BABAM2: variants seen among roughly 807,000 people sequenced by gnomAD.
BABAM2 encodes BRISC and BRCA1-A complex member 2.
Under a neutral mutation model 54.7 loss-of-function variants are expected in BABAM2, and 31 were observed. The ratio of observed to expected loss-of-function variants is 0.57; its 90% CI spans 0.43 to 0.77. BABAM2 has a LOEUF of 0.77. Ranked by LOEUF, BABAM2 falls within the 30% of genes least tolerant of loss-of-function variation. The pLI is 0.00. For synonymous variants in BABAM2, 167 were observed against 162.9 expected (o/e 1.03, Z -0.19); for missense variants, 364 against 455.8 (o/e 0.80, Z 1.83).
At chr2:27,963,929 T>C (rs1670662105) in intron 3 of BABAM2, among the ~76,000 whole-genome samples, 1 of 152,180 alleles carries the variant, frequency 6.6e-6, no homozygotes, top group African/African-American at 2.4e-5. Context: ...CCCAGTAGGT[T>C]AGTACGTTGG....
At chr2:28,088,337 T>C (rs1019825746) in intron 6 of BABAM2, among the ~76,000 whole-genome samples, 4 of 152,360 alleles carry the variant, frequency 2.6e-5, no homozygotes, top group African/African-American at 9.6e-5. Context: ...CCTAAATGAC[T>C]GTTTTCTCCT....
At chr2:28,095,656 G>T (rs1413708932) in intron 6 of BABAM2, among the ~76,000 whole-genome samples, 3 of 152,136 alleles carry the variant, frequency 2.0e-5, no homozygotes, top group Non-Finnish European at 4.4e-5. Flanking sequence ...ATGTGAAAAA[G>T]ATTTGGGGTA....
intron 6 of BABAM2, among the ~76,000 whole-genome samples, chr2:28,077,599 C>T (rs1664800357): frequency 6.6e-6 from 1 of 152,082 alleles, no homozygotes; most frequent in Non-Finnish European, 1.5e-5. Flanking sequence ...GGACAACTAT[C>T]TTCTGTTTTG....
Position 28,244,815 on chromosome 2 carries a change from A to T in BABAM2, c.887A>T (p.Lys296Ile), listed in dbSNP as rs1298880425. Residue 296 changes from lysine to isoleucine, a missense_variant, in exon 10 of 12, where the codon AAA (lysine) becomes ATA (isoleucine). Coordinates refer to ENST00000379624, the MANE Select transcript of BABAM2 (RefSeq NM_199191.3). ...GAATATGATGCAGAAGGCTTTACAA[A>T]ACTCACTCTGCTGCTGATGTGGAAA... is the stretch of plus-strand genomic sequence containing the variant. ...VVEYDAEGFT[K>I]LTLLLMWKDF... 6.2e-7 allele frequency: 1 copy of T among 1,613,868 alleles called. No homozygotes were observed. Among genetic ancestry groups the T allele is most frequent in the African/African-American group, 1.3e-5 (1 of 74,890 alleles).
At chr2:28,046,496 A>C (rs1489472177) in intron 6 of BABAM2, among the ~76,000 whole-genome samples, 1 of 151,952 alleles carries the variant, frequency 6.6e-6, no homozygotes, top group Non-Finnish European at 1.5e-5. Context: ...ACAAACAAAC[A>C]AAAAGATTTG....
intron 10 of BABAM2, among the ~76,000 whole-genome samples, chr2:28,294,612 AATC>A (rs1687538639): frequency 6.6e-6 from 1 of 152,166 alleles, no homozygotes; most frequent in African/African-American, 2.4e-5. Context: ...TAATTTTTTT[AATC>A]TTGACTAAGT....
intron 4 of BABAM2, among the ~76,000 whole-genome samples, chr2:28,001,611 A>G (rs1673582885): frequency 6.6e-6 from 1 of 152,190 alleles, no homozygotes; most frequent in Non-Finnish European, 1.5e-5. Flanking sequence ...AAAGTAGTCT[A>G]TTTGGGCTCA....
chr2:27,913,973 T>G (rs996431391), intron 2 of BABAM2, among the ~76,000 whole-genome samples: 3 of 152,212 alleles, frequency 2.0e-5, no homozygotes. Context: ...CATTTACCAT[T>G]TCAACTTTGT....
intron 7 of BABAM2, among the ~76,000 whole-genome samples, chr2:28,150,690 A>G (rs1343922734): frequency 3.9e-5 from 6 of 152,168 alleles, no homozygotes; most frequent in African/African-American, 1.2e-4. Context: ...AGACTAGGGA[A>G]GAGCGCCAGC....
At chr2:28,298,764 G>A (rs913806825) in intron 11 of BABAM2, among the ~76,000 whole-genome samples, 5 of 152,160 alleles carry the variant, frequency 3.3e-5, no homozygotes, top group Non-Finnish European at 7.3e-5. Flanking sequence ...TCAGGAAGAA[G>A]CTGATCTACA....
intron 10 of BABAM2, among the ~76,000 whole-genome samples, chr2:28,270,767 T>G (rs1226121207): frequency 1.3e-5 from 2 of 152,214 alleles, no homozygotes; most frequent in Admixed American, 6.5e-5. Context: ...AAGTCATGAT[T>G]GCCGTTCTAT....
At chr2:28,285,391 C>A (rs928278705) in intron 10 of BABAM2, among the ~76,000 whole-genome samples, 1 of 152,102 alleles carries the variant, frequency 6.6e-6, no homozygotes, top group Non-Finnish European at 1.5e-5. Flanking sequence ...GGAAAATATC[C>A]CCATTCCACA....
At chr2:28,095,167 C>T (rs557184353) in intron 6 of BABAM2, among the ~76,000 whole-genome samples, 3 of 152,148 alleles carry the variant, frequency 2.0e-5, no homozygotes, top group South Asian at 4.2e-4. Context: ...ATAGCAGTCC[C>T]GTCATTTTAT....
chr2:28,141,860 G>A (rs1415925705), intron 7 of BABAM2, among the ~76,000 whole-genome samples: 1 of 152,168 alleles, frequency 6.6e-6, no homozygotes, highest in Admixed American at 6.5e-5. Flanking sequence ...TGGGGGGTAT[G>A]TCAGGTGGAT....
chr2:27,940,733 G>T (rs891051929), intron 3 of BABAM2, among the ~76,000 whole-genome samples: 1 of 152,146 alleles, frequency 6.6e-6, no homozygotes, highest in African/African-American at 2.4e-5. Context: ...ATAAATTGAA[G>T]AATTTATTTG....
At chr2:28,197,133 A>G (rs991143974) in intron 7 of BABAM2, among the ~76,000 whole-genome samples, 1 of 152,024 alleles carries the variant, frequency 6.6e-6, no homozygotes, top group African/African-American at 2.4e-5. Flanking sequence ...GATTGCAGGC[A>G]CGAGCCACCA....
At chr2:28,056,977 C>G (rs979468914) in intron 6 of BABAM2, among the ~76,000 whole-genome samples, 15 of 152,196 alleles carry the variant, frequency 9.9e-5, no homozygotes, top group African/African-American at 3.4e-4. Context: ...ATGTAATTTA[C>G]TAGAATGCAA....
At chr2:27,987,437 T>G (rs1230096396) in intron 3 of BABAM2, among the ~76,000 whole-genome samples, 2 of 152,212 alleles carry the variant, frequency 1.3e-5, no homozygotes, top group Non-Finnish European at 2.9e-5. Context: ...TGTGGCTGCT[T>G]CTACTTTTCT....
intron 7 of BABAM2, among the ~76,000 whole-genome samples, chr2:28,149,612 G>C (rs1671825401): frequency 6.6e-6 from 1 of 152,224 alleles, no homozygotes; most frequent in Non-Finnish European, 1.5e-5. Flanking sequence ...GGGTTTCCAG[G>C]GCCCGGTTTT....
Sources: allele counts gnomAD v4.1 joint callset (sites outside exome capture counted in the v4.1 genomes callset), GRCh38; gene constraint gnomAD v4.1.1; transcripts MANE v1.5; gene names NCBI Gene and HGNC (gene_info 2026-07-23, HGNC 2026-07-21).